ATRNL1: variants seen among roughly 807,000 people sequenced by gnomAD.
ATRNL1 encodes attractin-like protein 1.
A neutral mutation model predicts 182.7 loss-of-function variants in ATRNL1; 95 were observed. That is an observed-to-expected ratio of 0.52 (90% CI 0.44 to 0.62). The LOEUF (loss-of-function observed/expected upper bound fraction) is 0.62. ATRNL1 is among the 20% of genes least tolerant of loss of function. The pLI, the probability that ATRNL1 is intolerant of heterozygous loss-of-function variation, is 0.00. For missense variants in ATRNL1, 1,471 were observed against 1,679.5 expected (o/e 0.88, Z 2.17); for synonymous variants, 576 against 568.3 (o/e 1.01, Z -0.19).
At chr10:115,637,674 G>C (rs895048903) in intron 26 of ATRNL1, among the ~76,000 whole-genome samples, 9 of 148,968 alleles carry the variant, frequency 6.0e-5, no homozygotes, top group Non-Finnish European at 1.0e-4. Context: ...ACCCAGGCTG[G>C]AGTGCAGTGG....
In ATRNL1 at chr10:115,122,603, T is replaced by G. The variant is rs143150217; in HGVS notation, c.491+791T>G. Among the ~76,000 whole-genome samples the G allele has an allele frequency of 7.2e-5, 11 of 152,202 alleles. No homozygotes were observed. The East Asian group carries it at 2.1e-3, about 29-fold the overall frequency. ...GCTTATTGGTCCCTTCAAAATATTT[T>G]CTTTCCAATTTTTCTTTTTATTATT... On this transcript the variant is annotated intron_variant, in intron 3 of 28. Coordinates refer to ENST00000355044, the MANE Select transcript of ATRNL1 (RefSeq NM_207303.4).
At chr10:115,560,135 A>G (rs1554998893) in intron 26 of ATRNL1, among the ~76,000 whole-genome samples, 1 of 152,238 alleles carries the variant, frequency 6.6e-6, no homozygotes, top group African/African-American at 2.4e-5. Context: ...AATTCAAAAT[A>G]GCATCAATAA....
intron 17 of ATRNL1, 121 bp from the exon 18 acceptor site, chr10:115,315,396 TG>T: frequency 1.5e-6 from 1 of 648,066 alleles, no homozygotes. Context: ...CAAAAATGTT[TG>T]CATTAACTAT....
At chr10:115,382,863 C>T (rs546361031) in intron 19 of ATRNL1, among the ~76,000 whole-genome samples, 4 of 151,910 alleles carry the variant, frequency 2.6e-5, no homozygotes, top group South Asian at 2.1e-4. Flanking sequence ...AAAATGCCCA[C>T]ACTATTTATC....
intron 28 of ATRNL1, among the ~76,000 whole-genome samples, chr10:115,892,072 C>G (rs1187310182): frequency 1.3e-5 from 2 of 152,060 alleles, no homozygotes; most frequent in Non-Finnish European, 2.9e-5. Flanking sequence ...CTGCTGAAAC[C>G]GTTTCAAATA....
chr10:115,648,275 C>A (rs2133874220), intron 26 of ATRNL1, among the ~76,000 whole-genome samples: 1 of 152,216 alleles, frequency 6.6e-6, no homozygotes, highest in Admixed American at 6.5e-5. Context: ...TCAAGGAGAA[C>A]TACATACCAC....
chr10:115,635,261 A>G (rs2133841289), intron 26 of ATRNL1, among the ~76,000 whole-genome samples: 1 of 152,024 alleles, frequency 6.6e-6, no homozygotes, highest in East Asian at 1.9e-4. Flanking sequence ...CAGAATACAT[A>G]AAGAACGTTT....
chr10:115,651,257 G>T (rs377063540), intron 26 of ATRNL1, among the ~76,000 whole-genome samples: 1 of 150,184 alleles, frequency 6.7e-6, no homozygotes, highest in Non-Finnish European at 1.5e-5. Context: ...GCTACCTATT[G>T]GGTACTATGC....
chr10:115,706,124 C>G (rs1366814962), intron 26 of ATRNL1, among the ~76,000 whole-genome samples: 2 of 151,876 alleles, frequency 1.3e-5, no homozygotes, highest in African/African-American at 4.8e-5. Flanking sequence ...TAGTCCTACC[C>G]TGCTGAAATC....
intron 27 of ATRNL1, among the ~76,000 whole-genome samples, chr10:115,777,363 A>G (rs904881072): frequency 6.6e-6 from 1 of 152,144 alleles, no homozygotes; most frequent in East Asian, 1.9e-4. Flanking sequence ...AAATTCTTCT[A>G]AAATATTAAT....
At chr10:115,409,416 C>A (rs1390788289) in intron 20 of ATRNL1, among the ~76,000 whole-genome samples, 1 of 151,966 alleles carries the variant, frequency 6.6e-6, no homozygotes, top group Admixed American at 6.6e-5. Flanking sequence ...GATTTTGTAA[C>A]CTACAAGTTT....
intron 17 of ATRNL1, among the ~76,000 whole-genome samples, chr10:115,312,797 C>G (rs1353384153): frequency 6.6e-6 from 1 of 151,904 alleles, no homozygotes; most frequent in Non-Finnish European, 1.5e-5. Context: ...AGACTTTGTT[C>G]CTTTTTTAAA....
chr10:115,637,206 C>T (rs12220978), intron 26 of ATRNL1, among the ~76,000 whole-genome samples: 26,291 of 152,044 alleles, frequency 0.17, 2,875 homozygotes, highest in East Asian at 0.26. Context: ...AAAAGGGTGA[C>T]AATTCCTCAA....
At chr10:115,306,831 A>C (rs115905623) in intron 17 of ATRNL1, among the ~76,000 whole-genome samples, 1,786 of 152,296 alleles carry the variant, frequency 0.012, 32 homozygotes, top group African/African-American at 0.04. Flanking sequence ...TTTGAGAACA[A>C]TATAATTATA....
chr10:115,717,750 C>G (rs1257193013), intron 26 of ATRNL1, among the ~76,000 whole-genome samples: 1 of 151,852 alleles, frequency 6.6e-6, no homozygotes, highest in African/African-American at 2.4e-5. Context: ...CAGGATTTCA[C>G]CATGTCAGTT....
In ATRNL1 at chr10:115,129,413, A is replaced by G; in HGVS notation, c.707A>G (p.Asp236Gly). Residue 236 changes from aspartate to glycine, a missense_variant, in exon 5 of 29, where the codon GAT becomes GGT. Coordinates refer to ENST00000355044, the MANE Select transcript of ATRNL1 (RefSeq NM_207303.4). ...SVPSQVYCEC[D>G]KYWKGEACDI... is the part of the protein sequence containing the mutation. ...CCAAGTCAAGTATATTGTGAATGTGATAAATACTGGAAGGGTGAAGCTTGT... is the reference window on the plus strand; with the variant it reads ...CCAAGTCAAGTATATTGTGAATGTGGTAAATACTGGAAGGGTGAAGCTTGT... The G allele has an allele frequency of 1.2e-6, 2 of 1,613,978 alleles. No individual in the cohort carries two copies. The highest frequency in any genetic ancestry group is 8.5e-7 in the Non-Finnish European group (1 of 1,179,864).
At chr10:115,361,012 A>G (rs1469792807) in intron 19 of ATRNL1, among the ~76,000 whole-genome samples, 1 of 151,918 alleles carries the variant, frequency 6.6e-6, no homozygotes, top group Non-Finnish European at 1.5e-5. Flanking sequence ...GATGCTCACA[A>G]TGAACCTTTG....
At chr10:115,705,611 G>A (rs1211202116) in intron 26 of ATRNL1, among the ~76,000 whole-genome samples, 1 of 151,814 alleles carries the variant, frequency 6.6e-6, no homozygotes, top group African/African-American at 2.4e-5. Context: ...ATAAAATTAT[G>A]CAGGTACTAT....
chr10:115,808,849 G>A (rs1252925742), intron 27 of ATRNL1, among the ~76,000 whole-genome samples: 1 of 152,072 alleles, frequency 6.6e-6, no homozygotes, highest in Non-Finnish European at 1.5e-5. Flanking sequence ...ATGATGTTCA[G>A]TTTATTGACT....
Sources: gnomAD v4.1 joint callset for allele counts (sites outside exome capture counted in the v4.1 genomes callset) on GRCh38, gnomAD v4.1.1 for gene constraint, MANE v1.5 for transcripts, NCBI Gene and HGNC (gene_info 2026-07-23, HGNC 2026-07-21) for gene names.